The following CYP7B1 variants were observed in gnomAD, a reference collection of about 807,000 sequenced individuals.
CYP7B1 encodes the protein cytochrome P450 7B1.
A neutral mutation model predicts 42.7 loss-of-function variants in CYP7B1; 29 were observed. The ratio of observed to expected loss-of-function variants is 0.68; its 90% CI spans 0.51 to 0.93. CYP7B1 has a LOEUF of 0.93. Ranked by LOEUF, CYP7B1 falls within the 40% of genes least tolerant of loss-of-function variation. CYP7B1 has a pLI of 0.00. For synonymous variants in CYP7B1, 235 were observed against 218.2 expected, an observed-to-expected ratio of 1.08 and a Z score of -0.68; for missense variants, 655 against 600.5, an observed-to-expected ratio of 1.09 and a Z score of -0.95.
At chr8:64,655,164 G>GCAAAAA in intron 1 of CYP7B1, among the ~76,000 whole-genome samples, 1 of 152,190 alleles carries the variant, frequency 6.6e-6, no homozygotes, top group East Asian at 1.9e-4. Context: ...AGCAAAAATT[G>GCAAAAA]ACAAACAGGA....
chr8:64,629,626 C>A (rs1385817419), intron 1 of CYP7B1, among the ~76,000 whole-genome samples: 1 of 151,766 alleles, frequency 6.6e-6, no homozygotes, highest in Middle Eastern at 3.2e-3. Flanking sequence ...TTGAGCAAGG[C>A]ACTTTGGAAG....
chr8:64,628,249 T>C (rs1028149428), intron 1 of CYP7B1, among the ~76,000 whole-genome samples: 1 of 152,224 alleles, frequency 6.6e-6, no homozygotes, highest in African/African-American at 2.4e-5. Flanking sequence ...ACCCAAGTTC[T>C]ATGCAAGTAC....
chr8:64,596,592 G>T lies in CYP7B1; in HGVS notation c.*50C>A. 6.6e-7 allele frequency: 1 copy of T among 1,513,888 alleles called. No individual in the cohort carries two copies. Among genetic ancestry groups the T allele is most frequent in the Non-Finnish European group, 9.1e-7 (1 of 1,103,590 alleles). 93.8% of individuals were successfully genotyped at this position (1,513,888 alleles called of 1,614,324 possible). ...AATTAAAAAGAAATAGATGAGCTTA[G>T]GATGTTTAGGGTAATTTTGATAGAT... On this transcript the variant is annotated 3_prime_UTR_variant, in exon 6 of 6. Transcript: ENST00000310193.
At chr8:64,726,881 C>T (rs1807332767) in intron 1 of CYP7B1, among the ~76,000 whole-genome samples, 1 of 152,080 alleles carries the variant, frequency 6.6e-6, no homozygotes, top group Non-Finnish European at 1.5e-5. Flanking sequence ...TCCTGTAGCT[C>T]TTTGGAGGAC....
intron 1 of CYP7B1, among the ~76,000 whole-genome samples, chr8:64,717,566 T>A (rs1261342662): frequency 2.6e-5 from 4 of 152,096 alleles, no homozygotes; most frequent in African/African-American, 9.7e-5. Context: ...AAGAGTTATT[T>A]TTTTGGCCTA....
intron 1 of CYP7B1, among the ~76,000 whole-genome samples, chr8:64,785,887 G>A (rs1176729791): frequency 6.6e-6 from 1 of 152,142 alleles, no homozygotes; most frequent in Non-Finnish European, 1.5e-5. Context: ...GGAGGCCTCA[G>A]GAAAACTGAC....
chr8:64,686,511 T>G (rs1199285880), intron 1 of CYP7B1, among the ~76,000 whole-genome samples: 3 of 43,012 alleles, frequency 7.0e-5, no homozygotes, highest in African/African-American at 1.1e-4. Flanking sequence ...GTGGGGGGGG[T>G]CAGCCCCCCT....
intron 1 of CYP7B1, among the ~76,000 whole-genome samples, chr8:64,629,392 C>G (rs1805656037): frequency 6.6e-6 from 1 of 151,960 alleles, no homozygotes. Flanking sequence ...TGCACACTAA[C>G]TAGAAAAAAT....
chr8:64,606,323 A>C (rs919442267), intron 4 of CYP7B1, among the ~76,000 whole-genome samples: 1 of 152,230 alleles, frequency 6.6e-6, no homozygotes, highest in Non-Finnish European at 1.5e-5. Flanking sequence ...AAGGACCAAC[A>C]TTTCTGTGGT....
intron 1 of CYP7B1, among the ~76,000 whole-genome samples, chr8:64,776,173 T>C (rs1026351413): frequency 2.6e-5 from 4 of 152,166 alleles, no homozygotes; most frequent in Non-Finnish European, 5.9e-5. Flanking sequence ...GATGCTTCTT[T>C]ACTTGATCTT....
chr8:64,598,480 A>C (rs1805151117), intron 5 of CYP7B1, among the ~76,000 whole-genome samples: 1 of 152,184 alleles, frequency 6.6e-6, no homozygotes, highest in South Asian at 2.1e-4. Flanking sequence ...AAATCAGTCT[A>C]AGTGAGCTTT....
chr8:64,768,873 C>T (rs1804156181), intron 1 of CYP7B1, among the ~76,000 whole-genome samples: 1 of 152,142 alleles, frequency 6.6e-6, no homozygotes, highest in Non-Finnish European at 1.5e-5. Context: ...AATCACCTAC[C>T]TTTGAGTGGC....
intron 1 of CYP7B1, among the ~76,000 whole-genome samples, chr8:64,688,307 A>G (rs1806687003): frequency 6.6e-6 from 1 of 152,242 alleles, no homozygotes; most frequent in African/African-American, 2.4e-5. Context: ...CAGTTAATAT[A>G]TAAAAACCTT....
At chr8:64,763,315 T>C (rs1807918557) in intron 1 of CYP7B1, among the ~76,000 whole-genome samples, 1 of 152,220 alleles carries the variant, frequency 6.6e-6, no homozygotes, top group Non-Finnish European at 1.5e-5. Context: ...AATAGAGCTA[T>C]AACACTCACC....
At chr8:64,689,017 T>C (rs1044894622) in intron 1 of CYP7B1, among the ~76,000 whole-genome samples, 1 of 152,232 alleles carries the variant, frequency 6.6e-6, no homozygotes. Flanking sequence ...TATCCTTCCA[T>C]TTCTTTCCTA....
chr8:64,798,117 C>T (rs1030520418), intron 1 of CYP7B1, among the ~76,000 whole-genome samples: 3 of 152,188 alleles, frequency 2.0e-5, no homozygotes, highest in African/African-American at 7.2e-5. Flanking sequence ...AGAATATTCC[C>T]CTCCTGAAAT....
At chr8:64,676,695 A>T (rs1007940424) in intron 1 of CYP7B1, among the ~76,000 whole-genome samples, 2 of 152,122 alleles carry the variant, frequency 1.3e-5, no homozygotes, top group Admixed American at 6.6e-5. Flanking sequence ...AATTCTCAGT[A>T]ATATATTCTC....
chr8:64,677,141 A>G (rs77601252), intron 1 of CYP7B1, among the ~76,000 whole-genome samples: 1,898 of 152,224 alleles, frequency 0.012, 16 homozygotes, highest in Non-Finnish European at 0.02. Flanking sequence ...TAGTCATACA[A>G]TATTTTGAGT....
At chr8:64,672,084 A>G (rs959434623) in intron 1 of CYP7B1, among the ~76,000 whole-genome samples, 3 of 152,182 alleles carry the variant, frequency 2.0e-5, no homozygotes, top group Non-Finnish European at 4.4e-5. Context: ...TCTTGCATAA[A>G]GTAATTTACA....
Sources: allele counts gnomAD v4.1 joint callset (sites outside exome capture counted in the v4.1 genomes callset), GRCh38; gene constraint gnomAD v4.1.1; transcripts MANE v1.5; gene names NCBI Gene and HGNC (gene_info 2026-07-23, HGNC 2026-07-21).